Variants in UNC79 observed in about 807,000 individuals in gnomAD.
UNC79 encodes unc-79 subunit of NALCN channel complex, also known as protein unc-79 homolog.
A neutral mutation model predicts 283.1 loss-of-function variants in UNC79; 37 were observed. The observed-to-expected ratio is 0.13, with a 90% CI of 0.10 to 0.17. The LOEUF (loss-of-function observed/expected upper bound fraction) is 0.17. Among genes scored for constraint, UNC79 ranks in the 10% least tolerant of loss-of-function variants. The pLI is 1.00. For synonymous variants in UNC79, 1,107 were observed against 1,200.2 expected (o/e 0.92, Z 1.61); for missense variants, 2,272 against 3,211.1 (o/e 0.71, Z 7.07).
chr14:93,367,526 G>T (rs950012479), intron 1 of UNC79, among the ~76,000 whole-genome samples: 8 of 152,172 alleles, frequency 5.3e-5, no homozygotes, highest in African/African-American at 1.9e-4. Flanking sequence ...AGGGAAATAG[G>T]CTGGATATTT....
At chr14:93,394,371 A>AT (rs1387115338) in intron 1 of UNC79, among the ~76,000 whole-genome samples, 1 of 144,764 alleles carries the variant, frequency 6.9e-6, no homozygotes. Context: ...ATTTTATTTT[A>AT]TTTTATTTTA....
chr14:93,502,608 T>G (rs970645684), intron 7 of UNC79, among the ~76,000 whole-genome samples: 1 of 152,198 alleles, frequency 6.6e-6, no homozygotes, highest in Non-Finnish European at 1.5e-5. Context: ...ATTTAGCAAT[T>G]TTCCTGTTAC....
chr14:93,592,475 A>G (rs2064768714), intron 22 of UNC79, among the ~76,000 whole-genome samples: 1 of 152,124 alleles, frequency 6.6e-6, no homozygotes, highest in Non-Finnish European at 1.5e-5. Context: ...CGCCTGGCCG[A>G]CATAACTTTT....
intron 30 of UNC79, among the ~76,000 whole-genome samples, chr14:93,623,070 C>T (rs2067258206): frequency 6.6e-6 from 1 of 152,180 alleles, no homozygotes; most frequent in African/African-American, 2.4e-5. Flanking sequence ...GTTTTAAACT[C>T]TGCAGTCAAT....
chr14:93,480,305 AT>A (rs147413446), intron 4 of UNC79, among the ~76,000 whole-genome samples: 5 of 151,984 alleles, frequency 3.3e-5, no homozygotes, highest in Non-Finnish European at 5.9e-5. Flanking sequence ...CCAAGGTCCC[AT>A]TTTTTTTAAC....
At chr14:93,696,964 G>A (rs1435584166) in intron 47 of UNC79, among the ~76,000 whole-genome samples, 1 of 152,010 alleles carries the variant, frequency 6.6e-6, no homozygotes, top group African/African-American at 2.4e-5. Context: ...GTGAGGTGTG[G>A]ATTGAGGTAC....
At chr14:93,405,047 C>T (rs2055198503) in intron 1 of UNC79, among the ~76,000 whole-genome samples, 1 of 151,882 alleles carries the variant, frequency 6.6e-6, no homozygotes, top group Non-Finnish European at 1.5e-5. Flanking sequence ...CTTTGGGAGG[C>T]CGAGGCGGAT....
chr14:93,520,248 G>A (rs1430813628), intron 7 of UNC79, among the ~76,000 whole-genome samples: 1 of 151,788 alleles, frequency 6.6e-6, no homozygotes, highest in East Asian at 1.9e-4. Flanking sequence ...GGCTTGCATT[G>A]TTTCTGACGA....
At chr14:93,401,518 C>T (rs902535649) in intron 1 of UNC79, among the ~76,000 whole-genome samples, 1 of 152,144 alleles carries the variant, frequency 6.6e-6, no homozygotes, top group Admixed American at 6.5e-5. Flanking sequence ...AAGCAGACAA[C>T]GCATTTCAGG....
intron 1 of UNC79, among the ~76,000 whole-genome samples, chr14:93,386,786 A>G (rs2054783080): frequency 1.3e-5 from 2 of 151,858 alleles, no homozygotes; most frequent in South Asian, 2.1e-4. Flanking sequence ...TTCATCTCCA[A>G]TTTTATTTAT....
intron 8 of UNC79, among the ~76,000 whole-genome samples, chr14:93,526,685 C>T (rs1299702273): frequency 6.6e-6 from 1 of 152,162 alleles, no homozygotes; most frequent in African/African-American, 2.4e-5. Flanking sequence ...ACAAAACTCA[C>T]TAGACCAACT....
intron 1 of UNC79, among the ~76,000 whole-genome samples, chr14:93,343,449 A>T (rs189760452): frequency 1.3e-5 from 2 of 152,308 alleles, no homozygotes; most frequent in East Asian, 3.9e-4. Context: ...TTGCTTACTT[A>T]TCTGAGTATC....
chr14:93,610,098 A>C (rs1353635654), intron 26 of UNC79, among the ~76,000 whole-genome samples: 1 of 152,230 alleles, frequency 6.6e-6, no homozygotes, highest in African/African-American at 2.4e-5. Context: ...TCAGGGTTGC[A>C]CATTGTTTAG....
intron 24 of UNC79, among the ~76,000 whole-genome samples, chr14:93,599,384 G>C (rs369288525): frequency 7.1e-6 from 1 of 140,702 alleles, no homozygotes; most frequent in African/African-American, 2.6e-5. Flanking sequence ...GTGTGTGTGT[G>C]TATGTGTGCA....
intron 14 of UNC79, among the ~76,000 whole-genome samples, chr14:93,562,481 G>A (rs1019148484): frequency 2.0e-5 from 3 of 152,188 alleles, no homozygotes; most frequent in Admixed American, 1.3e-4. Flanking sequence ...TCAAGGACAG[G>A]CTCTAATTCT....
chr14:93,528,453 C>A, intron 8 of UNC79, 105 bp from the exon 9 acceptor site: 1 of 1,040,828 alleles, frequency 9.6e-7, no homozygotes, highest in South Asian at 1.6e-5. Flanking sequence ...TTTATTCCAC[C>A]TCGCTTGTGG....
chr14:93,498,272 T>TAAC (rs2059113859), intron 7 of UNC79, among the ~76,000 whole-genome samples: 1 of 149,750 alleles, frequency 6.7e-6, no homozygotes, highest in African/African-American at 2.5e-5. Flanking sequence ...GTCTCAATAA[T>TAAC]AATAATAATA....
intron 38 of UNC79, among the ~76,000 whole-genome samples, chr14:93,658,873 T>TCCATCCATCCAC (rs2071237755): frequency 6.6e-6 from 1 of 152,146 alleles, no homozygotes. Context: ...CATCCATCCA[T>TCCATCCATCCAC]CCATCCATCC....
intron 40 of UNC79, among the ~76,000 whole-genome samples, chr14:93,664,001 T>C (rs1334839379): frequency 6.6e-6 from 1 of 152,196 alleles, no homozygotes; most frequent in African/African-American, 2.4e-5. Context: ...AAATATTCAT[T>C]ACACAGGATA....
Sources: allele counts gnomAD v4.1 joint callset (sites outside exome capture counted in the v4.1 genomes callset), GRCh38; gene constraint gnomAD v4.1.1; transcripts MANE v1.5; gene names NCBI Gene and HGNC (gene_info 2026-07-23, HGNC 2026-07-21).